The following ELOVL6 variants were observed in gnomAD, a reference collection of about 807,000 sequenced individuals.
ELOVL6 encodes ELOVL fatty acid elongase 6.
ELOVL6 carries 8 observed loss-of-function variants against 31.7 expected under a neutral mutation model. That is an observed-to-expected ratio of 0.25 (90% CI 0.15 to 0.45). ELOVL6 has a LOEUF of 0.45. ELOVL6 is among the 20% of genes least tolerant of loss of function. ELOVL6 has a pLI of 1.00. For missense variants in ELOVL6, 126 were observed against 326.4 expected (o/e 0.39, Z 4.73); for synonymous variants, 101 against 117.7 (o/e 0.86, Z 0.92).
chr4:110,066,353 C>G (rs1361007559), intron 2 of ELOVL6, among the ~76,000 whole-genome samples: 1 of 151,916 alleles, frequency 6.6e-6, no homozygotes, highest in Admixed American at 6.6e-5. Context: ...TATGGCATCT[C>G]AGGCCAGGCA....
At chr4:110,113,017 G>A (rs1414836128) in intron 1 of ELOVL6, among the ~76,000 whole-genome samples, 2 of 152,052 alleles carry the variant, frequency 1.3e-5, no homozygotes, top group Admixed American at 6.6e-5. Flanking sequence ...GAGGTCAGGG[G>A]ATGGAGACCA....
chr4:110,084,579 T>TATATAC (rs1263006462), intron 2 of ELOVL6, among the ~76,000 whole-genome samples: 1 of 50,764 alleles, frequency 2.0e-5, no homozygotes, highest in East Asian at 8.4e-4. Context: ...TATATATATA[T>TATATAC]ATATATATAT....
intron 2 of ELOVL6, among the ~76,000 whole-genome samples, chr4:110,076,527 T>C (rs1755635964): frequency 6.6e-6 from 1 of 152,146 alleles, no homozygotes; most frequent in Non-Finnish European, 1.5e-5. Flanking sequence ...TGCTTTTCCA[T>C]ATGAAAAAAA....
intron 1 of ELOVL6, among the ~76,000 whole-genome samples, chr4:110,165,237 C>G (rs1385597338): frequency 6.6e-6 from 1 of 152,162 alleles, no homozygotes; most frequent in Non-Finnish European, 1.5e-5. Flanking sequence ...AATACCAGGG[C>G]ACCTGTTTAG....
At chr4:110,102,878 C>T (rs1327773215) in intron 2 of ELOVL6, among the ~76,000 whole-genome samples, 2 of 124,358 alleles carry the variant, frequency 1.6e-5, no homozygotes, top group South Asian at 2.7e-4. Flanking sequence ...AAAATCTCAA[C>T]TTGAATTGTA....
chr4:110,198,493 T>A lies in ELOVL6; in HGVS notation c.-158A>T. 1 of 565,242 alleles carries A rather than the reference T, an allele frequency of 1.8e-6. No individual in the cohort carries two copies. Among genetic ancestry groups the A allele is most frequent in the Non-Finnish European group, 3.1e-6 (1 of 327,354 alleles). 35.0% of individuals were successfully genotyped at this position (565,242 alleles called of 1,614,324 possible). A position where few individuals can be genotyped will look rare whatever the true frequency, so the allele number is the denominator to read the frequency against. On this transcript the variant is annotated 5_prime_UTR_variant, in exon 1 of 4. Coordinates refer to ENST00000302274, the MANE Select transcript of ELOVL6 (RefSeq NM_024090.3). The stretch of plus-strand genomic sequence containing the variant: ...CCAGCGGTCGTCTCTTCTCCCAGCC[T>A]CTCAGCTACATCCAGGGCTGAGCAT...
intron 1 of ELOVL6, among the ~76,000 whole-genome samples, chr4:110,142,855 T>C (rs1024810963): frequency 2.0e-5 from 3 of 152,252 alleles, no homozygotes; most frequent in Non-Finnish European, 4.4e-5. Flanking sequence ...CTTTAAATTG[T>C]GGTTTTACCT....
At chr4:110,160,160 G>GT (rs1758591870) in intron 1 of ELOVL6, among the ~76,000 whole-genome samples, 2 of 152,068 alleles carry the variant, frequency 1.3e-5, no homozygotes, top group East Asian at 3.9e-4. Flanking sequence ...TTTTAACAGT[G>GT]TATCTTGGAG....
At chr4:110,084,394 G>GATATATGATATATATCGCAT (rs1560815180) in intron 2 of ELOVL6, among the ~76,000 whole-genome samples, 1 of 41,162 alleles carries the variant, frequency 2.4e-5, no homozygotes, top group African/African-American at 7.6e-5. Context: ...TCGCATATAT[G>GATATATGATATATATCGCAT]ATATATGATA....
intron 1 of ELOVL6, chr4:110,197,927 TCTGGA>T: frequency 2.5e-6 from 1 of 404,796 alleles, no homozygotes. Context: ...AGGTAGGCGA[TCTGGA>T]CTGTGGCATC....
intron 1 of ELOVL6, among the ~76,000 whole-genome samples, chr4:110,120,987 G>A (rs1757340484): frequency 6.6e-6 from 1 of 151,904 alleles, no homozygotes. Context: ...TTTTAGTAGA[G>A]ACAGGGCTTC....
chr4:110,168,889 C>T (rs967164701), intron 1 of ELOVL6, among the ~76,000 whole-genome samples: 1 of 152,140 alleles, frequency 6.6e-6, no homozygotes, highest in African/African-American at 2.4e-5. Context: ...TTCATGAAGC[C>T]TTTAGTGGGT....
chr4:110,183,421 T>TA (rs1157159866), intron 1 of ELOVL6, among the ~76,000 whole-genome samples: 1 of 152,198 alleles, frequency 6.6e-6, no homozygotes, highest in African/African-American at 2.4e-5. Flanking sequence ...TATGTCTCCC[T>TA]AAAATGTGTA....
chr4:110,174,050 T>G (rs560816456), intron 1 of ELOVL6, among the ~76,000 whole-genome samples: 2 of 151,990 alleles, frequency 1.3e-5, no homozygotes, highest in East Asian at 3.9e-4. Context: ...AAAAATAGCA[T>G]GACTTTCAAT....
chr4:110,165,166 A>G (rs1758739787), intron 1 of ELOVL6, among the ~76,000 whole-genome samples: 1 of 152,208 alleles, frequency 6.6e-6, no homozygotes, highest in Admixed American at 6.5e-5. Flanking sequence ...AGCAAAACAG[A>G]CCATTTGCTA....
At chr4:110,170,570 T>C (rs1758914693) in intron 1 of ELOVL6, among the ~76,000 whole-genome samples, 1 of 152,234 alleles carries the variant, frequency 6.6e-6, no homozygotes, top group Non-Finnish European at 1.5e-5. Context: ...TAAACAAATG[T>C]CCTTTTTGCA....
At chr4:110,174,941 G>C (rs765450313) in intron 1 of ELOVL6, among the ~76,000 whole-genome samples, 5 of 151,572 alleles carry the variant, frequency 3.3e-5, no homozygotes, top group African/African-American at 1.2e-4. Flanking sequence ...CATTCCTTTC[G>C]CTTCTTCTTA....
intron 1 of ELOVL6, among the ~76,000 whole-genome samples, chr4:110,133,984 T>C (rs1393067582): frequency 1.3e-5 from 2 of 152,224 alleles, no homozygotes; most frequent in African/African-American, 2.4e-5. Flanking sequence ...CCTGTGATTA[T>C]TTCATGTATC....
chr4:110,136,899 A>C (rs1757828528), intron 1 of ELOVL6, among the ~76,000 whole-genome samples: 1 of 152,180 alleles, frequency 6.6e-6, no homozygotes, highest in Non-Finnish European at 1.5e-5. Context: ...TATCACAGGA[A>C]TATCTAGATG....
Sources: allele counts gnomAD v4.1 joint callset (sites outside exome capture counted in the v4.1 genomes callset), GRCh38; gene constraint gnomAD v4.1.1; transcripts MANE v1.5; gene names NCBI Gene and HGNC (gene_info 2026-07-23, HGNC 2026-07-21).